NALF1: variants seen among roughly 807,000 people sequenced by gnomAD.
NALF1 encodes the protein family with sequence similarity 155 member A.
A neutral mutation model predicts 48.4 loss-of-function variants in NALF1; 3 were observed. The observed-to-expected ratio is 0.06, with a 90% confidence interval of 0.03 to 0.16. The LOEUF is 0.16. NALF1 is among the 10% of genes least tolerant of loss of function. The pLI is 1.00. For synonymous variants in NALF1, 262 were observed against 245.7 expected (o/e 1.07, Z -0.62); for missense variants, 526 against 571.5 (o/e 0.92, Z 0.81).
At chr13:107,248,598 TTTTAAA>T (rs1880632947) in intron 1 of NALF1, among the ~76,000 whole-genome samples, 1 of 149,232 alleles carries the variant, frequency 6.7e-6, no homozygotes, top group South Asian at 2.2e-4. Context: ...ACATGTGGCT[TTTTAAA>T]TTTAAATTCA....
chr13:107,527,542 C>T (rs942359), intron 1 of NALF1, among the ~76,000 whole-genome samples: 104,826 of 151,930 alleles, frequency 0.69, 37,217 homozygotes, highest in Middle Eastern at 0.82. Context: ...CAGATTTATA[C>T]GCCTCAATTT....
intron 1 of NALF1, among the ~76,000 whole-genome samples, chr13:107,350,214 G>A (rs950736535): frequency 1.5e-4 from 23 of 152,210 alleles, no homozygotes; most frequent in Non-Finnish European, 1.6e-4. Flanking sequence ...TGTATTGTAC[G>A]TAAAACAGTT....
chr13:107,535,642 C>T (rs1249919636), intron 1 of NALF1, among the ~76,000 whole-genome samples: 1 of 152,098 alleles, frequency 6.6e-6, no homozygotes, highest in African/African-American at 2.4e-5. Context: ...GTGAAAATGG[C>T]CGTACTGCCC....
chr13:107,513,521 G>A (rs1230334718), intron 1 of NALF1, among the ~76,000 whole-genome samples: 1 of 151,326 alleles, frequency 6.6e-6, no homozygotes, highest in African/African-American at 2.4e-5. Flanking sequence ...TGTTATCTGA[G>A]CTAACTAAGG....
At chr13:107,407,522 G>A (rs138926103) in intron 1 of NALF1, among the ~76,000 whole-genome samples, 4,691 of 152,112 alleles carry the variant, frequency 0.031, 117 homozygotes, top group Non-Finnish European at 0.049. Context: ...CAACATCAAT[G>A]ATCATCAGAG....
chr13:107,522,654 A>G (rs7326495), intron 1 of NALF1, among the ~76,000 whole-genome samples: 100,495 of 151,138 alleles, frequency 0.66, 35,042 homozygotes, highest in Middle Eastern at 0.81. Context: ...CCCAGACTGT[A>G]CTGCAGTGGT....
At chr13:107,319,028 T>A (rs998869932) in intron 1 of NALF1, among the ~76,000 whole-genome samples, 1 of 152,006 alleles carries the variant, frequency 6.6e-6, no homozygotes, top group African/African-American at 2.4e-5. Context: ...AGCAGCAGAG[T>A]TCAAGGAGTT....
chr13:107,235,395 T>C (rs1216653300), intron 1 of NALF1, among the ~76,000 whole-genome samples: 1 of 152,156 alleles, frequency 6.6e-6, no homozygotes, highest in Non-Finnish European at 1.5e-5. Context: ...AATGTACAGT[T>C]ATCCCTTGAT....
intron 1 of NALF1, among the ~76,000 whole-genome samples, chr13:107,472,198 G>A (rs911486625): frequency 2.0e-5 from 3 of 152,004 alleles, no homozygotes; most frequent in African/African-American, 4.8e-5. Flanking sequence ...GCATAGTGGC[G>A]GGCACCTGTA....
At chr13:107,701,019 C>T (rs1489098131) in intron 1 of NALF1, among the ~76,000 whole-genome samples, 2 of 152,120 alleles carry the variant, frequency 1.3e-5, no homozygotes, top group Non-Finnish European at 2.9e-5. Context: ...AAGAGAACCC[C>T]AGGACACTGT....
chr13:107,643,700 G>A (rs555491628), intron 1 of NALF1, among the ~76,000 whole-genome samples: 22 of 152,130 alleles, frequency 1.4e-4, no homozygotes, highest in Middle Eastern at 6.8e-3. Flanking sequence ...TTTTTATGAT[G>A]AGAAAAAATA....
chr13:107,615,897 T>C (rs1159124037), intron 1 of NALF1, among the ~76,000 whole-genome samples: 1 of 152,180 alleles, frequency 6.6e-6, no homozygotes, highest in Non-Finnish European at 1.5e-5. Flanking sequence ...AGTCTTAACT[T>C]TGCTAGTTAA....
intron 1 of NALF1, among the ~76,000 whole-genome samples, chr13:107,280,890 A>G (rs550653344): frequency 6.6e-6 from 1 of 152,356 alleles, no homozygotes; most frequent in African/African-American, 2.4e-5. Context: ...AGCTAAAGGA[A>G]GGCACATGAT....
At chr13:107,703,062 A>G (rs1187626653) in intron 1 of NALF1, among the ~76,000 whole-genome samples, 2 of 152,180 alleles carry the variant, frequency 1.3e-5, no homozygotes, top group African/African-American at 4.8e-5. Flanking sequence ...GTATATACCC[A>G]ATAACAGGAT....
At chr13:107,203,724 G>A (rs1879572441) in intron 2 of NALF1, among the ~76,000 whole-genome samples, 2 of 152,150 alleles carry the variant, frequency 1.3e-5, no homozygotes, top group Admixed American at 1.3e-4. Flanking sequence ...ACTTCTCAGG[G>A]CTGATTGAAC....
chr13:107,434,557 C>T (rs554332327), intron 1 of NALF1, among the ~76,000 whole-genome samples: 1 of 152,292 alleles, frequency 6.6e-6, no homozygotes, highest in Admixed American at 6.5e-5. Flanking sequence ...AAATAAACAG[C>T]AATAAATGCT....
intron 1 of NALF1, among the ~76,000 whole-genome samples, chr13:107,707,694 T>C (rs910200999): frequency 6.6e-6 from 1 of 152,230 alleles, no homozygotes; most frequent in African/African-American, 2.4e-5. Flanking sequence ...GCTAGATATT[T>C]GAGGGTAGAC....
At chr13:107,713,123 G>T (rs926434005) in intron 1 of NALF1, among the ~76,000 whole-genome samples, 10 of 152,174 alleles carry the variant, frequency 6.6e-5, no homozygotes, top group Non-Finnish European at 1.3e-4. Context: ...AGGGGCTACG[G>T]CAAAGCAGCA....
chr13:107,628,327 C>T (rs1317047473), intron 1 of NALF1, among the ~76,000 whole-genome samples: 7 of 152,100 alleles, frequency 4.6e-5, no homozygotes, highest in Non-Finnish European at 2.9e-5. Flanking sequence ...TGATTTAAGG[C>T]CAAATACAAA....
Sources: gnomAD v4.1 joint callset for allele counts (sites outside exome capture counted in the v4.1 genomes callset) on GRCh38, gnomAD v4.1.1 for gene constraint, MANE v1.5 for transcripts, NCBI Gene and HGNC (gene_info 2026-07-23, HGNC 2026-07-21) for gene names.